GALNTL6: variants seen among roughly 807,000 people sequenced by gnomAD.
The protein encoded by GALNTL6 is polypeptide N-acetylgalactosaminyltransferase-like 6.
GALNTL6 carries 46 observed loss-of-function variants against 73.7 expected under a neutral mutation model. The observed-to-expected ratio is 0.62, with a 90% CI of 0.49 to 0.80. The LOEUF (loss-of-function observed/expected upper bound fraction) is 0.80, where lower values mean the gene tolerates loss of function less well. GALNTL6 is among the 30% of genes least tolerant of loss of function. The pLI, the probability that GALNTL6 is intolerant of heterozygous loss-of-function variation, is 0.00. For missense variants in GALNTL6, 604 were observed against 755.0 expected (o/e 0.80, Z 2.34); for synonymous variants, 259 against 263.7 (o/e 0.98, Z 0.17).
intron 7 of GALNTL6, among the ~76,000 whole-genome samples, chr4:172,857,517 A>G (rs1744180814): frequency 6.6e-6 from 1 of 152,212 alleles, no homozygotes; most frequent in African/African-American, 2.4e-5. Flanking sequence ...ATCTGAAGGA[A>G]AGGGATAGGT....
intron 5 of GALNTL6, among the ~76,000 whole-genome samples, chr4:172,740,180 T>G (rs1736718283): frequency 1.3e-5 from 2 of 152,146 alleles, no homozygotes; most frequent in South Asian, 2.1e-4. Context: ...CCACGTGATT[T>G]ATACCTTCAC....
At chr4:173,034,324 A>G (rs1346630541) in intron 12 of GALNTL6, among the ~76,000 whole-genome samples, 1 of 152,144 alleles carries the variant, frequency 6.6e-6, no homozygotes, top group Non-Finnish European at 1.5e-5. Flanking sequence ...ACTCTTGTTC[A>G]AATCTCCCAA....
At chr4:172,622,054 T>C (rs1738983028) in intron 5 of GALNTL6, among the ~76,000 whole-genome samples, 1 of 152,172 alleles carries the variant, frequency 6.6e-6, no homozygotes, top group African/African-American at 2.4e-5. Flanking sequence ...ACTAGGGTCA[T>C]GGTCCTCCCT....
rs192456730 is a variant in GALNTL6, at chr4:172,670,351, G to C, written c.554-139010G>C. Among the ~76,000 whole-genome samples, 148 of 152,052 alleles carry C rather than the reference G, an allele frequency of 9.7e-4. 1 individual carries two copies. Among genetic ancestry groups the C allele is most frequent in the Non-Finnish European group, 1.7e-3 (118 of 67,984 alleles). On this transcript the variant is annotated intron_variant, in intron 5 of 12. Transcript: ENST00000506823. ...TTTTTAATAGTAGCCTTTCTGTTTG[G>C]TGTGAGATGGTATCTAATTTTGGTT... is the stretch of plus-strand genomic sequence containing the variant.
At chr4:171,910,828 CATA>C (rs1737456012) in intron 2 of GALNTL6, among the ~76,000 whole-genome samples, 1 of 152,086 alleles carries the variant, frequency 6.6e-6, no homozygotes, top group African/African-American at 2.4e-5. Flanking sequence ...GGTTGGTACT[CATA>C]ATATTTATAT....
chr4:173,009,400 G>A (rs778420808), intron 11 of GALNTL6, 106 bp downstream of exon 11: 1 of 730,652 alleles, frequency 1.4e-6, no homozygotes, highest in Non-Finnish European at 2.4e-6. Flanking sequence ...GATGGTACTT[G>A]TGGGACCTGG....
chr4:172,199,322 C>CA (rs1457557796), intron 2 of GALNTL6, among the ~76,000 whole-genome samples: 2 of 152,086 alleles, frequency 1.3e-5, no homozygotes, highest in Admixed American at 6.6e-5. Flanking sequence ...GATTATCTGA[C>CA]AAAAAGACCA....
chr4:171,912,604 T>C (rs1340834654), intron 2 of GALNTL6, among the ~76,000 whole-genome samples: 1 of 152,194 alleles, frequency 6.6e-6, no homozygotes, highest in Non-Finnish European at 1.5e-5. Context: ...CAATAAATTA[T>C]AGCTAACTAT....
At chr4:172,807,107 C>G (rs1741007984) in intron 5 of GALNTL6, among the ~76,000 whole-genome samples, 1 of 152,164 alleles carries the variant, frequency 6.6e-6, no homozygotes, top group African/African-American at 2.4e-5. Context: ...TACAGTCTTA[C>G]ACACAGGCAG....
chr4:172,302,825 G>A (rs1364590168), intron 3 of GALNTL6, among the ~76,000 whole-genome samples: 1 of 151,268 alleles, frequency 6.6e-6, no homozygotes, highest in Non-Finnish European at 1.5e-5. Flanking sequence ...TTTTAAGAAG[G>A]AATCTATTCA....
chr4:172,107,043 T>C (rs1732694605), intron 2 of GALNTL6, among the ~76,000 whole-genome samples: 2 of 152,176 alleles, frequency 1.3e-5, no homozygotes, highest in African/African-American at 4.8e-5. Context: ...CCGGATAATT[T>C]TGTATTTTTA....
At chr4:172,053,305 G>C (rs1037955508) in intron 2 of GALNTL6, among the ~76,000 whole-genome samples, 1 of 151,872 alleles carries the variant, frequency 6.6e-6, no homozygotes, top group Admixed American at 6.6e-5. Flanking sequence ...AATAATACAG[G>C]GGATCAACAG....
At chr4:172,325,787 T>C (rs1043535078) in intron 4 of GALNTL6, among the ~76,000 whole-genome samples, 10 of 151,826 alleles carry the variant, frequency 6.6e-5, no homozygotes, top group African/African-American at 2.4e-4. Flanking sequence ...CACAATGGAT[T>C]CATAGAAATG....
intron 2 of GALNTL6, among the ~76,000 whole-genome samples, chr4:171,929,571 T>C (rs1278856074): frequency 4.6e-4 from 70 of 152,290 alleles, no homozygotes; most frequent in Non-Finnish European, 1.5e-5. Flanking sequence ...AGTACCCACA[T>C]GGACCTGCAC....
At position 172,515,085 on chromosome 4, in the gene GALNTL6, A is replaced by G. The variant is rs539562418; in HGVS notation, c.553+166396A>G. Among the ~76,000 whole-genome samples, 4 of 152,328 alleles carry G rather than the reference A, an allele frequency of 2.6e-5. No homozygotes were observed. The East Asian group carries it at 7.7e-4, about 29-fold the overall frequency. On this transcript the variant is annotated intron_variant, in intron 5 of 12. Coordinates refer to ENST00000506823, the MANE Select transcript of GALNTL6 (RefSeq NM_001034845.3). ...TAAGTCTCCATACACTGTTCTGTCC[A>G]GCTTCAGGGATGATTTTTAAGCAGC...
chr4:172,095,844 T>G (rs909931026), intron 2 of GALNTL6, among the ~76,000 whole-genome samples: 1 of 152,050 alleles, frequency 6.6e-6, no homozygotes, highest in African/African-American at 2.4e-5. Flanking sequence ...CTAGAATTAT[T>G]TTTTACTTAT....
intron 10 of GALNTL6, among the ~76,000 whole-genome samples, chr4:172,954,437 C>T (rs752357607): frequency 1.1e-4 from 17 of 152,220 alleles, no homozygotes; most frequent in African/African-American, 1.9e-4. Flanking sequence ...TCATTATTTC[C>T]GGCTTAAACA....
chr4:172,249,977 C>T (rs1737799125), intron 3 of GALNTL6, among the ~76,000 whole-genome samples: 1 of 152,110 alleles, frequency 6.6e-6, no homozygotes. Flanking sequence ...GAGAAGAGGG[C>T]CACCATCCTC....
chr4:172,543,268 CAAG>C (rs1216988436), intron 5 of GALNTL6, among the ~76,000 whole-genome samples: 1 of 152,226 alleles, frequency 6.6e-6, no homozygotes, highest in African/African-American at 2.4e-5. Context: ...AAGTGGTCCT[CAAG>C]AAGACTTGAC....
Sources: allele counts gnomAD v4.1 joint callset (sites outside exome capture counted in the v4.1 genomes callset), GRCh38; gene constraint gnomAD v4.1.1; transcripts MANE v1.5; gene names NCBI Gene and HGNC (gene_info 2026-07-23, HGNC 2026-07-21).